Variants in FOXP1 observed in about 807,000 individuals in gnomAD.
FOXP1 encodes forkhead box protein P1.
In FOXP1, 15 loss-of-function variants were observed where a neutral mutation model predicts 98.2. The ratio of observed to expected loss-of-function variants is 0.15; its 90% CI spans 0.10 to 0.24. The LOEUF (loss-of-function observed/expected upper bound fraction) is 0.24. FOXP1 is among the 10% of genes least tolerant of loss of function. The pLI, the probability that FOXP1 is intolerant of heterozygous loss-of-function variation, is 1.00. For synonymous variants in FOXP1, 371 were observed against 314.5 expected (o/e 1.18, Z -1.90); for missense variants, 633 against 848.5 (o/e 0.75, Z 3.15).
chr3:71,189,862 G>A (rs1478586918), intron 6 of FOXP1, among the ~76,000 whole-genome samples: 10 of 152,298 alleles, frequency 6.6e-5, no homozygotes, highest in East Asian at 5.8e-4. Context: ...AGGTGATCCC[G>A]GCCCCCATTC....
At chr3:71,425,362 G>A (rs1577430137) in intron 3 of FOXP1, among the ~76,000 whole-genome samples, 1 of 152,166 alleles carries the variant, frequency 6.6e-6, no homozygotes, top group Non-Finnish European at 1.5e-5. Context: ...CTGACCTCAA[G>A]TGATCCACCC....
At chr3:71,038,263 C>A (rs2047872205) in intron 11 of FOXP1, among the ~76,000 whole-genome samples, 1 of 152,236 alleles carries the variant, frequency 6.6e-6, no homozygotes, top group African/African-American at 2.4e-5. Context: ...TCCCATCGAG[C>A]ACCCCCAGAT....
chr3:71,233,250 G>C (rs1329485497), intron 5 of FOXP1, among the ~76,000 whole-genome samples: 1 of 147,572 alleles, frequency 6.8e-6, no homozygotes, highest in Admixed American at 6.8e-5. Flanking sequence ...GAAGGGGAGA[G>C]GAGGGAAGGG....
At chr3:71,178,119 G>A (rs2062053045) in intron 6 of FOXP1, among the ~76,000 whole-genome samples, 1 of 150,026 alleles carries the variant, frequency 6.7e-6, no homozygotes, top group African/African-American at 2.4e-5. Flanking sequence ...ACAGGTGTGA[G>A]CCACCACACC....
chr3:71,133,691 A>T (rs2059679663), intron 6 of FOXP1, among the ~76,000 whole-genome samples: 2 of 151,918 alleles, frequency 1.3e-5, no homozygotes, highest in Admixed American at 6.6e-5. Context: ...AAAAAAAAGG[A>T]CACACAACAA....
chr3:70,993,209 G>C (rs2040872479), intron 13 of FOXP1, among the ~76,000 whole-genome samples: 1 of 152,160 alleles, frequency 6.6e-6, no homozygotes, highest in Admixed American at 6.5e-5. Context: ...CATTTTCTTA[G>C]AGCTTACAAT....
intron 3 of FOXP1, among the ~76,000 whole-genome samples, chr3:71,411,557 C>T (rs1480299059): frequency 6.6e-6 from 1 of 152,118 alleles, no homozygotes; most frequent in African/African-American, 2.4e-5. Context: ...CTCCTGACCT[C>T]GTGATCCACC....
chr3:71,182,718 T>C (rs1220926468), intron 6 of FOXP1, among the ~76,000 whole-genome samples: 1 of 151,858 alleles, frequency 6.6e-6, no homozygotes, highest in Non-Finnish European at 1.5e-5. Flanking sequence ...TTGTTGTTTT[T>C]CTTAATTTTT....
At chr3:71,577,434 G>A (rs1396024770) in intron 2 of FOXP1, among the ~76,000 whole-genome samples, 2 of 149,544 alleles carry the variant, frequency 1.3e-5, no homozygotes, top group Non-Finnish European at 3.0e-5. Context: ...AACTACAAAC[G>A]TCCCAGGAAA....
At chr3:71,039,244 T>A (rs1387030322) in intron 11 of FOXP1, among the ~76,000 whole-genome samples, 1 of 152,188 alleles carries the variant, frequency 6.6e-6, no homozygotes, top group Non-Finnish European at 1.5e-5. Context: ...TCTGAATTCT[T>A]TTCTGATCCA....
intron 6 of FOXP1, among the ~76,000 whole-genome samples, chr3:71,158,903 G>T (rs897254656): frequency 6.6e-6 from 1 of 151,712 alleles, no homozygotes; most frequent in African/African-American, 2.4e-5. Flanking sequence ...CCAGGAGTTC[G>T]AGACCAGCCT....
rs1372377429 is a variant in FOXP1, at chr3:70,956,422, T to G, written c.*2825A>C. On this transcript the variant is annotated 3_prime_UTR_variant, in exon 21 of 21. Coordinates refer to ENST00000649528, the MANE Select transcript of FOXP1 (RefSeq NM_001349338.3). ...ATGTAAAATCTAATTTTTCTTTTTT[T>G]TTTTTTTTTGCTACAGTCTTTAGAC... 1 of 230,676 alleles carries G rather than the reference T, an allele frequency of 4.3e-6. No homozygotes were observed. The highest frequency in any genetic ancestry group is 1.8e-4 in the South Asian group (1 of 5,504). The allele number at this position is 230,676 out of a possible 1,614,324, so 14.3% of individuals were successfully genotyped here.
intron 6 of FOXP1, among the ~76,000 whole-genome samples, chr3:71,135,378 A>C (rs552683933): frequency 6.6e-6 from 1 of 152,222 alleles, no homozygotes; most frequent in South Asian, 2.1e-4. Context: ...GTAAAGATTA[A>C]GTATAAACCA....
At position 71,468,045 on chromosome 3, in the gene FOXP1, T is replaced by C. The variant is rs944649637; in HGVS notation, c.-168+25381A>G. Among the ~76,000 whole-genome samples, 194 of 152,178 alleles carry C rather than the reference T, an allele frequency of 1.3e-3. 4 individuals carry two copies. The highest frequency in any genetic ancestry group is 3.8e-4 in the Non-Finnish European group (26 of 68,016). On this transcript the variant is annotated intron_variant, in intron 3 of 20. Transcript: ENST00000649528. ...GGTACCATAAAGGGTCACAGCATTG[T>C]TAAATATAAGATCAAGATACCTGAT...
chr3:71,502,565 A>T (rs1005601245), intron 2 of FOXP1, among the ~76,000 whole-genome samples: 1 of 152,168 alleles, frequency 6.6e-6, no homozygotes, highest in East Asian at 1.9e-4. Context: ...TATTATTTTC[A>T]TCTTCACACT....
chr3:71,369,175 G>T (rs1484715375), intron 3 of FOXP1, among the ~76,000 whole-genome samples: 3 of 152,000 alleles, frequency 2.0e-5, no homozygotes, highest in Non-Finnish European at 4.4e-5. Context: ...GAATCAGAAG[G>T]TCAGGCGTTC....
At chr3:71,475,181 C>G (rs1180311680) in intron 3 of FOXP1, among the ~76,000 whole-genome samples, 1 of 152,088 alleles carries the variant, frequency 6.6e-6, no homozygotes, top group African/African-American at 2.4e-5. Flanking sequence ...AACCCAAGAC[C>G]CTCCCTCTCT....
intron 5 of FOXP1, among the ~76,000 whole-genome samples, chr3:71,220,038 C>A (rs888863018): frequency 1.3e-5 from 2 of 152,186 alleles, no homozygotes; most frequent in Non-Finnish European, 2.9e-5. Flanking sequence ...CACCTCTAGC[C>A]ATGAAAGTTT....
intron 5 of FOXP1, among the ~76,000 whole-genome samples, chr3:71,203,898 G>C (rs1051780786): frequency 2.0e-5 from 3 of 151,058 alleles, no homozygotes; most frequent in Non-Finnish European, 4.4e-5. Context: ...AAGATGGCAT[G>C]CAATTCTGAA....
Sources: allele counts gnomAD v4.1 joint callset (sites outside exome capture counted in the v4.1 genomes callset), GRCh38; gene constraint gnomAD v4.1.1; transcripts MANE v1.5; gene names NCBI Gene and HGNC (gene_info 2026-07-23, HGNC 2026-07-21).